Variants in ZP3 observed in about 807,000 individuals in gnomAD.
ZP3 encodes zona pellucida glycoprotein 3.
In ZP3, 21 loss-of-function variants were observed where a neutral mutation model predicts 35.6. The observed-to-expected ratio is 0.59, with a 90% CI of 0.42 to 0.85. ZP3 has a LOEUF of 0.85. ZP3 is among the 40% of genes least tolerant of loss of function. ZP3 has a pLI of 0.00. For synonymous variants in ZP3, 207 were observed against 214.5 expected, an observed-to-expected ratio of 0.96 and a Z score of 0.31; for missense variants, 437 against 536.5, an observed-to-expected ratio of 0.81 and a Z score of 1.83.
chr7:76,397,586 G>A (rs908699752), exon 1 of ZP3: 3 of 1,610,426 alleles, frequency 1.9e-6, no homozygotes, highest in Non-Finnish European at 2.5e-6. Flanking sequence ...GCTCTGGCAG[G>A]CTGCCAGGCG....
chr7:76,405,323 T>TTTTTTCTTTA, intron 1 of ZP3, among the ~76,000 whole-genome samples: 1 of 29,176 alleles, frequency 3.4e-5, no homozygotes, highest in East Asian at 1.1e-3. Context: ...ATATGTATTT[T>TTTTTTCTTTA]TTTCTTTCTT....
chr7:76,418,788 G>A (rs1353031328), intron 1 of ZP3, among the ~76,000 whole-genome samples: 5 of 151,988 alleles, frequency 3.3e-5, no homozygotes, highest in South Asian at 2.1e-4. Flanking sequence ...CCCGGGAGGC[G>A]GAGCTTGCAA....
At chr7:76,410,058 C>A (rs945435052) in intron 1 of ZP3, among the ~76,000 whole-genome samples, 4 of 151,768 alleles carry the variant, frequency 2.6e-5, no homozygotes, top group African/African-American at 9.7e-5. Context: ...CAGACAGAGT[C>A]TCTCTCTGTC....
At chr7:76,421,633 C>T (rs1046070312), upstream of ZP3, among the ~76,000 whole-genome samples, 2 of 149,520 alleles carry the variant, frequency 1.3e-5, no homozygotes, top group Non-Finnish European at 3.0e-5. Flanking sequence ...GATGGAGTCT[C>T]GCCCAGGCTG....
intron 1 of ZP3, chr7:76,397,821 C>A (rs1455559504): frequency 1.3e-6 from 2 of 1,580,172 alleles, no homozygotes; most frequent in African/African-American, 1.3e-5. Context: ...ACCAGGCGTA[C>A]GCTGCCCTCA....
intron 1 of ZP3, among the ~76,000 whole-genome samples, chr7:76,402,404 ACCC>A (rs1804862213): frequency 6.6e-6 from 1 of 151,512 alleles, no homozygotes; most frequent in Non-Finnish European, 1.5e-5. Flanking sequence ...CTAGTCTTGA[ACCC>A]TTAACCTCAA....
rs765955146 is a variant in ZP3, at chr7:76,440,203, A to G, written c.832-47A>G. ...AAGAGAACTGGTGTGTTAAACTCCC[A>G]GGCACAGCCTGGAACTCGGCCTGGA... On this transcript the variant is annotated intron_variant, in intron 5 of 7. Transcript: ENST00000394857. The G allele has an allele frequency of 5.4e-5, 85 of 1,578,234 alleles. 1 individual carries two copies. The South Asian group carries it at 9.0e-4, about 17-fold the overall frequency.
intron 1 of ZP3, among the ~76,000 whole-genome samples, chr7:76,399,467 A>G (rs1019800920): frequency 5.3e-5 from 8 of 152,142 alleles, no homozygotes; most frequent in African/African-American, 1.9e-4. Context: ...AACTAGAAGC[A>G]CTGCTCTCAG....
At chr7:76,423,084 A>AAAGAAAG (rs199921755), upstream of ZP3, among the ~76,000 whole-genome samples, 7 of 137,220 alleles carry the variant, frequency 5.1e-5, no homozygotes, top group South Asian at 2.5e-4. Context: ...AGAAAGAAAG[A>AAAGAAAG]AAAGAAATTG....
intron 5 of ZP3, among the ~76,000 whole-genome samples, chr7:76,434,689 G>T (rs1487871344): frequency 1.4e-5 from 2 of 147,784 alleles, no homozygotes; most frequent in Non-Finnish European, 3.0e-5. Context: ...TTCTGCAGGG[G>T]CAAAGAAAAC....
intron 1 of ZP3, among the ~76,000 whole-genome samples, chr7:76,411,770 A>G (rs1475690449): frequency 6.6e-6 from 1 of 152,214 alleles, no homozygotes; most frequent in Non-Finnish European, 1.5e-5. Context: ...TACATTCACC[A>G]TATGAACTAG....
At chr7:76,406,475 A>G (rs1805035961) in intron 1 of ZP3, among the ~76,000 whole-genome samples, 1 of 151,782 alleles carries the variant, frequency 6.6e-6, no homozygotes, top group Admixed American at 6.6e-5. Flanking sequence ...TTTTACTTTA[A>G]AGAATTTTTT....
At chr7:76,435,448 C>T (rs865807768) in intron 5 of ZP3, among the ~76,000 whole-genome samples, 1 of 152,272 alleles carries the variant, frequency 6.6e-6, no homozygotes, top group Non-Finnish European at 1.5e-5. Flanking sequence ...AGCCACCATG[C>T]CCAGCCTCAA....
At chr7:76,404,503 C>T in intron 1 of ZP3, 1 of 1,611,620 alleles carries the variant, frequency 6.2e-7, no homozygotes, top group Non-Finnish European at 8.5e-7. Context: ...ACAGTTGGAA[C>T]ATCTGAAATT....
At chr7:76,404,286 G>A in intron 1 of ZP3, 1 of 1,557,004 alleles carries the variant, frequency 6.4e-7, no homozygotes, top group East Asian at 2.3e-5. Flanking sequence ...AAGTGGCAAG[G>A]GCTAACAGGG....
intron 1 of ZP3, chr7:76,404,161 C>G: frequency 1.6e-6 from 2 of 1,245,560 alleles, no homozygotes. Flanking sequence ...ACTCTTAGCT[C>G]TTTTGTCAAC....
chr7:76,411,156 T>A (rs1352118094), intron 1 of ZP3, among the ~76,000 whole-genome samples: 4 of 152,062 alleles, frequency 2.6e-5, no homozygotes, highest in Non-Finnish European at 5.9e-5. Context: ...ATTCCATTCC[T>A]TCCGTCATCT....
At position 76,436,030 on chromosome 7, in the gene ZP3, C is replaced by CTTTTTTTTT. The variant is rs60553917; in HGVS notation, c.831+1912_831+1920dup. On this transcript the variant is annotated intron_variant, in intron 5 of 7. Transcript: ENST00000394857. ...TGAACCACCACGCGCCCCCCGCCCC[C>CTTTTTTTTT]TTTTTTTTTTTTTTTTTTTTTTTTT... Among the ~76,000 whole-genome samples, 22 of 74,358 alleles carry CTTTTTTTTT rather than the reference C, an allele frequency of 3.0e-4. 1 individual carries two copies. Among genetic ancestry groups the CTTTTTTTTT allele is most frequent in the East Asian group, 5.5e-4 (1 of 1,816 alleles). The allele number at this position is 74,358 out of a possible 152,430, so 48.8% of individuals were successfully genotyped here.
At chr7:76,418,581 G>T (rs1210221751) in intron 1 of ZP3, among the ~76,000 whole-genome samples, 2 of 140,072 alleles carry the variant, frequency 1.4e-5, no homozygotes, top group East Asian at 4.2e-4. Flanking sequence ...AAAAGGCTGG[G>T]CACAGTGGCT....
Sources: gnomAD v4.1 joint callset for allele counts (sites outside exome capture counted in the v4.1 genomes callset) on GRCh38, gnomAD v4.1.1 for gene constraint, MANE v1.5 for transcripts, NCBI Gene and HGNC (gene_info 2026-07-23, HGNC 2026-07-21) for gene names.